MOB3B: variants seen among roughly 807,000 people sequenced by gnomAD.
MOB3B encodes MOB kinase activator 3B.
A neutral mutation model predicts 18.7 loss-of-function variants in MOB3B; 7 were observed. The ratio of observed to expected loss-of-function variants is 0.37; its 90% CI spans 0.21 to 0.70. The LOEUF (loss-of-function observed/expected upper bound fraction) is 0.70. MOB3B is among the 30% of genes least tolerant of loss of function. The pLI is 0.52. For synonymous variants in MOB3B, 111 were observed against 99.9 expected (o/e 1.11, Z -0.66); for missense variants, 253 against 281.3 (o/e 0.90, Z 0.72).
intron 1 of MOB3B, among the ~76,000 whole-genome samples, chr9:27,517,299 G>A (rs901205942): frequency 6.6e-6 from 1 of 152,134 alleles, no homozygotes; most frequent in African/African-American, 2.4e-5. Context: ...AACAGATGAT[G>A]ATGATAACTA....
In MOB3B at chr9:27,426,693, C is replaced by A. The variant is rs1240342193; in HGVS notation, c.418+28440G>T. Among the ~76,000 whole-genome samples, 3 of 152,310 alleles carry A rather than the reference C, an allele frequency of 2.0e-5. No homozygotes were observed. In the East Asian group the frequency reaches 5.8e-4, roughly 29 times the overall value. ...ATACATGACACTGTCCCCCCCTGCC[C>A]GACTCAGAATCCAAGGGGAAAATAA... On this transcript the variant is annotated intron_variant, in intron 2 of 3. Transcript: ENST00000262244.
chr9:27,452,715 T>A (rs1237067953), intron 2 of MOB3B, among the ~76,000 whole-genome samples: 4 of 152,206 alleles, frequency 2.6e-5, no homozygotes, highest in African/African-American at 9.6e-5. Flanking sequence ...CTGTCATTTG[T>A]GACATGAATG....
chr9:27,355,591 G>A (rs1423660058), intron 3 of MOB3B, among the ~76,000 whole-genome samples: 4 of 136,818 alleles, frequency 2.9e-5, no homozygotes, highest in African/African-American at 8.5e-5. Flanking sequence ...ACGGAGTCTC[G>A]CTCTTTTGCC....
chr9:27,528,521 C>T (rs1820475670), intron 1 of MOB3B, among the ~76,000 whole-genome samples: 1 of 152,252 alleles, frequency 6.6e-6, no homozygotes, highest in African/African-American at 2.4e-5. Flanking sequence ...GCCCTCTAAC[C>T]ACAAGGGCGG....
At chr9:27,370,523 G>GA (rs1465153852) in intron 2 of MOB3B, among the ~76,000 whole-genome samples, 19 of 142,090 alleles carry the variant, frequency 1.3e-4, no homozygotes, top group African/African-American at 4.2e-4. Flanking sequence ...AAAAAAAAAA[G>GA]AAAAAAAGAG....
rs899231849 is a variant in MOB3B at position 27,343,166 on chromosome 9, T to C, written c.622-12550A>G. Reference sequence around the variant, plus strand: ...TCTGCCTTGGGATGCTGTTAATCTATAACTTTACCCCCAACCCCGTGCTCT... The same window carrying C: ...TCTGCCTTGGGATGCTGTTAATCTACAACTTTACCCCCAACCCCGTGCTCT... On this transcript the variant is annotated intron_variant, in intron 3 of 3. Transcript: ENST00000262244. 5.1e-3 allele frequency among the ~76,000 whole-genome samples: 776 copies of C among 151,410 alleles called. 6 individuals are homozygous for C. Among genetic ancestry groups the C allele is most frequent in the African/African-American group, 0.017 (700 of 40,792 alleles).
At chr9:27,335,949 C>G (rs369690740) in intron 3 of MOB3B, among the ~76,000 whole-genome samples, 7 of 152,224 alleles carry the variant, frequency 4.6e-5, no homozygotes, top group African/African-American at 1.7e-4. Flanking sequence ...CTGGCACATA[C>G]TAGGTGCTTA....
intron 3 of MOB3B, among the ~76,000 whole-genome samples, chr9:27,337,617 G>A (rs942846075): frequency 6.6e-6 from 1 of 152,188 alleles, no homozygotes; most frequent in African/African-American, 2.4e-5. Context: ...TTTCTTGGAG[G>A]AGTGATGAGG....
intron 1 of MOB3B, among the ~76,000 whole-genome samples, chr9:27,467,350 G>T (rs1819400860): frequency 1.3e-5 from 2 of 152,184 alleles, no homozygotes; most frequent in South Asian, 2.1e-4. Flanking sequence ...GGGTTTTGGG[G>T]ATAAGTGAGA....
At chr9:27,495,081 C>G (rs1174460866) in intron 1 of MOB3B, among the ~76,000 whole-genome samples, 1 of 152,084 alleles carries the variant, frequency 6.6e-6, no homozygotes, top group Non-Finnish European at 1.5e-5. Context: ...GTAATTCCAG[C>G]ACTTTAGGAG....
chr9:27,478,910 A>G (rs1162302423), intron 1 of MOB3B, among the ~76,000 whole-genome samples: 1 of 152,086 alleles, frequency 6.6e-6, no homozygotes, highest in Admixed American at 6.6e-5. Flanking sequence ...AACCAGAGAG[A>G]AAAAGATAAA....
At chr9:27,506,558 G>A (rs984380919) in intron 1 of MOB3B, among the ~76,000 whole-genome samples, 1 of 149,014 alleles carries the variant, frequency 6.7e-6, no homozygotes, top group Non-Finnish European at 1.5e-5. Context: ...TTGAGACGGA[G>A]TCTCACTCTG....
chr9:27,405,464 A>G (rs953093530), intron 2 of MOB3B, among the ~76,000 whole-genome samples: 15 of 152,008 alleles, frequency 9.9e-5, no homozygotes, highest in South Asian at 6.2e-4. Context: ...TGAGCTCCTT[A>G]TATATTTTGG....
chr9:27,346,309 T>C (rs1361343922), intron 3 of MOB3B, among the ~76,000 whole-genome samples: 1 of 152,200 alleles, frequency 6.6e-6, no homozygotes, highest in African/African-American at 2.4e-5. Context: ...AGAGGCATTG[T>C]GTTATAGCAG....
intron 3 of MOB3B, among the ~76,000 whole-genome samples, chr9:27,355,101 G>A (rs746461330): frequency 6.6e-6 from 1 of 152,226 alleles, no homozygotes; most frequent in African/African-American, 2.4e-5. Context: ...CAGAGTCTAA[G>A]ACTTTTCTTA....
intron 1 of MOB3B, among the ~76,000 whole-genome samples, chr9:27,490,308 G>A (rs1351211304): frequency 6.6e-6 from 1 of 152,078 alleles, no homozygotes; most frequent in African/African-American, 2.4e-5. Flanking sequence ...TTGTCCTAAA[G>A]GTGCTCATGG....
Position 27,529,807 on chromosome 9 carries a change from G to C in MOB3B, c.-451C>G, listed in dbSNP as rs1459578028. 1 of 985,326 alleles carries C rather than the reference G, an allele frequency of 1.0e-6. No individual in the cohort carries two copies. Among genetic ancestry groups the C allele is most frequent in the East Asian group, 1.1e-4 (1 of 8,794 alleles). 61.0% of individuals were successfully genotyped at this position (985,326 alleles called of 1,614,324 possible). A position where few individuals can be genotyped will look rare whatever the true frequency, so the allele number is the denominator to read the frequency against. On this transcript the variant is annotated 5_prime_UTR_variant, in exon 1 of 4. Coordinates refer to ENST00000262244, the MANE Select transcript of MOB3B (RefSeq NM_024761.5). The stretch of plus-strand genomic sequence containing the variant: ...CCAGCGCGCCGCGCAGCCGGCCGGG[G>C]CTCGACTGTCTCGCGGGGACGCCGA...
intron 1 of MOB3B, among the ~76,000 whole-genome samples, chr9:27,468,805 A>G (rs1819427961): frequency 6.6e-6 from 1 of 152,242 alleles, no homozygotes; most frequent in African/African-American, 2.4e-5. Flanking sequence ...CCCCATAATC[A>G]TAATGAGACA....
chr9:27,517,669 A>AAAAG (rs1427924693), intron 1 of MOB3B, among the ~76,000 whole-genome samples: 1 of 151,102 alleles, frequency 6.6e-6, no homozygotes, highest in African/African-American at 2.4e-5. Flanking sequence ...AAAAAAAAAA[A>AAAAG]AAAGAGGTAG....
Sources: allele counts gnomAD v4.1 joint callset (sites outside exome capture counted in the v4.1 genomes callset), GRCh38; gene constraint gnomAD v4.1.1; transcripts MANE v1.5; gene names NCBI Gene and HGNC (gene_info 2026-07-23, HGNC 2026-07-21).